Variants in MBNL2 observed in about 807,000 individuals in gnomAD.
MBNL2 encodes muscleblind-like protein 2.
A neutral mutation model predicts 41.9 loss-of-function variants in MBNL2; 17 were observed. The ratio of observed to expected loss-of-function variants is 0.41; its 90% CI spans 0.28 to 0.61. The LOEUF (loss-of-function observed/expected upper bound fraction) is 0.61, where lower values mean the gene tolerates loss of function less well. MBNL2 is among the 20% of genes least tolerant of loss of function. The pLI is 0.35. For synonymous variants in MBNL2, 195 were observed against 182.9 expected (o/e 1.07, Z -0.53); for missense variants, 336 against 505.6 (o/e 0.66, Z 3.22).
At chr13:97,169,563 T>G in the MBNL2 span, among the ~76,000 whole-genome samples, 1 of 152,232 alleles carries the variant, frequency 6.6e-6, no homozygotes, top group Non-Finnish European at 1.5e-5. Context: ...AGCCAAATGT[T>G]TTATTCTGAA....
At chr13:97,288,186 C>T (rs980370638) in intron 2 of MBNL2, among the ~76,000 whole-genome samples, 1 of 152,120 alleles carries the variant, frequency 6.6e-6, no homozygotes, top group African/African-American at 2.4e-5. Flanking sequence ...GTCAGTTTCT[C>T]TCTCTTTTTT....
At chr13:97,234,270 C>T (rs903435390) in intron 1 of MBNL2, among the ~76,000 whole-genome samples, 2 of 152,168 alleles carry the variant, frequency 1.3e-5, no homozygotes, top group Non-Finnish European at 2.9e-5. Flanking sequence ...CTTTAGGAGG[C>T]GAGCCCCTTC....
Position 97,334,284 on chromosome 13 carries a change from T to C in MBNL2, c.183T>C (p.Cys61=). 6.2e-7 allele frequency: 1 copy of C among 1,610,182 alleles called. No individual in the cohort carries two copies. The highest frequency in any genetic ancestry group is 8.5e-7 in the Non-Finnish European group (1 of 1,178,666). ...IACFDSLKGR[C]SRENCKYLHP... ...AACACTTGTTTTTACAGGGCCGTTG[T>C]TCGAGAGAGAACTGCAAGTATCTTC... Residue 61 remains cysteine, a synonymous_variant, in exon 3 of 9, where the codon TGT becomes TGC. Coordinates refer to ENST00000679496, the MANE Select transcript of MBNL2 (RefSeq NM_001382683.1). The surrounding 1 kb of genome is among the most constrained non-coding windows in gnomAD (Gnocchi z 5.3).
At chr13:97,303,865 T>C (rs1225876078) in intron 2 of MBNL2, among the ~76,000 whole-genome samples, 1 of 152,252 alleles carries the variant, frequency 6.6e-6, no homozygotes, top group Non-Finnish European at 1.5e-5. Flanking sequence ...GTCAAGTTTG[T>C]TAAATTGAAA....
intron 1 of MBNL2, among the ~76,000 whole-genome samples, chr13:97,259,329 T>C (rs1417002602): frequency 6.6e-6 from 1 of 152,042 alleles, no homozygotes; most frequent in Non-Finnish European, 1.5e-5. Flanking sequence ...GGGCACCAAG[T>C]CCCCCAGCTT....
intron 1 of MBNL2, among the ~76,000 whole-genome samples, chr13:97,250,235 TA>T (rs1223605623): frequency 1.3e-5 from 2 of 152,142 alleles, no homozygotes; most frequent in African/African-American, 4.8e-5. Context: ...CTATATTGTG[TA>T]AAAAAAAGTT....
chr13:97,191,929 C>G, the MBNL2 span, among the ~76,000 whole-genome samples: 1 of 152,188 alleles, frequency 6.6e-6, no homozygotes, highest in African/African-American at 2.4e-5. Context: ...GAACATGCCT[C>G]TATACAGGAC....
At chr13:97,297,375 G>C (rs2057157676) in intron 2 of MBNL2, among the ~76,000 whole-genome samples, 1 of 152,146 alleles carries the variant, frequency 6.6e-6, no homozygotes, top group Non-Finnish European at 1.5e-5. Flanking sequence ...ATGTGTCCTG[G>C]AGTATGGTAA....
chr13:97,305,754 G>A (rs1429460448), intron 2 of MBNL2, among the ~76,000 whole-genome samples: 1 of 146,910 alleles, frequency 6.8e-6, no homozygotes. Flanking sequence ...GGGCAACAGA[G>A]GGAGACCCCG....
At chr13:97,373,157 G>T (rs536973534) in intron 8 of MBNL2, among the ~76,000 whole-genome samples, 2 of 152,312 alleles carry the variant, frequency 1.3e-5, no homozygotes, top group South Asian at 4.1e-4. Context: ...ACAGAAAGCA[G>T]CTGGGCCCCA....
At chr13:97,317,436 G>A (rs938864691) in intron 2 of MBNL2, among the ~76,000 whole-genome samples, 3 of 152,324 alleles carry the variant, frequency 2.0e-5, no homozygotes, top group Admixed American at 2.0e-4. Flanking sequence ...GAAGGAGGTG[G>A]ACAGTTCTCC....
intron 2 of MBNL2, among the ~76,000 whole-genome samples, chr13:97,287,512 G>A (rs1339384052): frequency 6.6e-6 from 1 of 151,784 alleles, no homozygotes; most frequent in Non-Finnish European, 1.5e-5. Context: ...CTTTGTGTTG[G>A]GACATTCAAT....
intron 4 of MBNL2, 71 bp downstream of exon 4, chr13:97,343,287 G>A: frequency 8.7e-7 from 1 of 1,154,402 alleles, no homozygotes; most frequent in Non-Finnish European, 1.2e-6. Context: ...GTGATTGCTT[G>A]TAAGATATTA....
At position 97,251,743 on chromosome 13, in the gene MBNL2, C is replaced by G. The variant is rs201839078; in HGVS notation, c.-604-23889C>G. ...AGTTGAGTTTATAAATAAATTTATT[C>G]TTTATTTTCCTTAACTTTTCAAACA... On this transcript the variant is annotated intron_variant, in intron 1 of 8. Transcript: ENST00000679496. Among the ~76,000 whole-genome samples, 22 of 143,790 alleles carry G rather than the reference C, an allele frequency of 1.5e-4. No homozygotes were observed. In the East Asian group the frequency reaches 4.0e-3, roughly 26 times the overall value. 94.3% of individuals were successfully genotyped at this position (143,790 alleles called of 152,430 possible). A position where few individuals can be genotyped will look rare whatever the true frequency, so the allele number is the denominator to read the frequency against.
chr13:97,307,100 G>C (rs1365762634), intron 2 of MBNL2, among the ~76,000 whole-genome samples: 2 of 152,160 alleles, frequency 1.3e-5, no homozygotes, highest in African/African-American at 4.8e-5. Context: ...AGGAGAGAAA[G>C]AAAGTCTAAA....
At chr13:97,307,077 A>G (rs1029316788) in intron 2 of MBNL2, among the ~76,000 whole-genome samples, 7 of 152,192 alleles carry the variant, frequency 4.6e-5, no homozygotes, top group African/African-American at 1.7e-4. Flanking sequence ...GGTTAAATTG[A>G]AAACTTTTCT....
the MBNL2 span, among the ~76,000 whole-genome samples, chr13:97,213,867 T>C: frequency 6.6e-6 from 1 of 151,984 alleles, no homozygotes; most frequent in Admixed American, 6.5e-5. Context: ...CATTTAATTT[T>C]TAAAGTCAAG....
the MBNL2 span, among the ~76,000 whole-genome samples, chr13:97,203,858 A>C: frequency 6.7e-6 from 1 of 150,100 alleles, no homozygotes; most frequent in Admixed American, 6.7e-5. Flanking sequence ...CACTTAATTG[A>C]ATGAATGATA....
At chr13:97,182,054 AT>A in the MBNL2 span, among the ~76,000 whole-genome samples, 1 of 151,862 alleles carries the variant, frequency 6.6e-6, no homozygotes, top group African/African-American at 2.4e-5. Flanking sequence ...TTTTTAATTT[AT>A]TTTTTCTCCC....
Sources: allele counts gnomAD v4.1 joint callset (sites outside exome capture counted in the v4.1 genomes callset), GRCh38; gene constraint gnomAD v4.1.1; non-coding constraint Gnocchi (gnomAD v3.1); transcripts MANE v1.5; gene names NCBI Gene and HGNC (gene_info 2026-07-23, HGNC 2026-07-21).